Variants in NAV2 observed in about 807,000 individuals in gnomAD.
The protein encoded by NAV2 is helicase, APC down-regulated 1.
Under a neutral mutation model 223.2 loss-of-function variants are expected in NAV2, and 54 were observed. The ratio of observed to expected loss-of-function variants is 0.24; its 90% CI spans 0.19 to 0.30. The LOEUF (loss-of-function observed/expected upper bound fraction) is 0.30. NAV2 is among the 10% of genes least tolerant of loss of function. The pLI is 1.00. For missense variants in NAV2, 2,806 were observed against 3,147.5 expected, an observed-to-expected ratio of 0.89 and a Z score of 2.60; for synonymous variants, 1,279 against 1,239.3, an observed-to-expected ratio of 1.03 and a Z score of -0.67.
At chr11:19,556,853 T>C (rs1389967918) in intron 1 of NAV2, among the ~76,000 whole-genome samples, 3 of 152,220 alleles carry the variant, frequency 2.0e-5, no homozygotes, top group Non-Finnish European at 4.4e-5. Flanking sequence ...TAAATGACCA[T>C]GCTGTATTTT....
chr11:19,927,054 G>A (rs898050709), intron 6 of NAV2, among the ~76,000 whole-genome samples: 13 of 152,202 alleles, frequency 8.5e-5, no homozygotes, highest in African/African-American at 2.9e-4. Flanking sequence ...GGTTAAGGCT[G>A]GTTGCCAGAA....
chr11:19,420,948 G>C (rs1445818770), intron 1 of NAV2, among the ~76,000 whole-genome samples: 1 of 152,196 alleles, frequency 6.6e-6, no homozygotes, highest in Non-Finnish European at 1.5e-5. Context: ...CCTCCACGGT[G>C]CATGGCAGGG....
At chr11:19,850,872 A>G (rs867138742) in intron 3 of NAV2, among the ~76,000 whole-genome samples, 1 of 152,216 alleles carries the variant, frequency 6.6e-6, no homozygotes, top group East Asian at 1.9e-4. Context: ...AGAATGAGGA[A>G]TATATTTTAT....
chr11:19,667,555 G>A (rs1284443630), intron 1 of NAV2, among the ~76,000 whole-genome samples: 3 of 152,166 alleles, frequency 2.0e-5, no homozygotes, highest in Non-Finnish European at 4.4e-5. Context: ...GCTGGAGGAG[G>A]AACCATTCTG....
chr11:19,372,914 T>G (rs1463461372), intron 1 of NAV2, among the ~76,000 whole-genome samples: 1 of 152,228 alleles, frequency 6.6e-6, no homozygotes, highest in Non-Finnish European at 1.5e-5. Context: ...TGGGAGAATA[T>G]TGTTTCTTTC....
At chr11:19,730,650 G>T (rs751861003) in intron 1 of NAV2, among the ~76,000 whole-genome samples, 8 of 152,226 alleles carry the variant, frequency 5.3e-5, no homozygotes, top group Non-Finnish European at 1.2e-4. Context: ...CCTATGCCAG[G>T]AAGGCAGCGT....
intron 1 of NAV2, among the ~76,000 whole-genome samples, chr11:19,723,015 T>A (rs917651730): frequency 6.6e-6 from 1 of 152,226 alleles, no homozygotes; most frequent in Non-Finnish European, 1.5e-5. Flanking sequence ...ATAATGGCAC[T>A]GCAGCAGACT....
chr11:20,086,358 T>C (rs1294537746), intron 26 of NAV2, among the ~76,000 whole-genome samples: 2 of 152,212 alleles, frequency 1.3e-5, no homozygotes, highest in Non-Finnish European at 2.9e-5. Context: ...CTGTGTCCTC[T>C]GCCTGGTGTG....
chr11:19,904,716 C>T (rs1024368567), intron 6 of NAV2, among the ~76,000 whole-genome samples: 9 of 152,108 alleles, frequency 5.9e-5, no homozygotes, highest in Non-Finnish European at 1.2e-4. Flanking sequence ...CAAACTTTGG[C>T]TCCATATGTA....
intron 3 of NAV2, among the ~76,000 whole-genome samples, chr11:19,865,646 A>G (rs934784846): frequency 6.6e-6 from 1 of 152,358 alleles, no homozygotes; most frequent in Admixed American, 6.5e-5. Context: ...GAACAGAGAA[A>G]TCATAGTAGA....
At chr11:19,811,321 G>A (rs892588910) in intron 1 of NAV2, among the ~76,000 whole-genome samples, 2 of 152,104 alleles carry the variant, frequency 1.3e-5, no homozygotes, top group African/African-American at 2.4e-5. Context: ...CAGAGGGGGA[G>A]AAATGGCAGC....
intron 22 of NAV2, among the ~76,000 whole-genome samples, chr11:20,072,985 G>C (rs193186835): frequency 0.021 from 3,181 of 152,210 alleles, 119 homozygotes; most frequent in African/African-American, 0.073. Flanking sequence ...GAATAGGAGC[G>C]GTGAGAGAGG....
chr11:19,677,279 T>C (rs137932052), intron 1 of NAV2, among the ~76,000 whole-genome samples: 3,887 of 152,358 alleles, frequency 0.026, 86 homozygotes, highest in Non-Finnish European at 0.04. Context: ...CAAGAGCAAC[T>C]TGACTGCATC....
chr11:20,082,652 A>T lies in NAV2; in HGVS notation c.5326-355A>T, dbSNP rs374625417. 539 of 1,546,582 alleles carry T rather than the reference A, an allele frequency of 3.5e-4. 1 individual carries two copies. Among genetic ancestry groups the T allele is most frequent in the Middle Eastern group, 1.4e-3 (8 of 5,924 alleles). On this transcript the variant is annotated intron_variant, in intron 25 of 37. Transcript: ENST00000349880. The stretch of plus-strand genomic sequence containing the variant: ...ATACCAAGCTAACCCATCCATTGAT[A>T]TGACTAACCTCATCCGCATCCATCA...
In NAV2 at chr11:19,564,249, G is replaced by T. The variant is rs1383455810; in HGVS notation, c.75+213222G>T. On this transcript the variant is annotated intron_variant, in intron 1 of 37. Transcript: ENST00000360655. ...CATAGCGCTGGTGATCCTTGAGGGT[G>T]GGGCGCTCTCTGGGGGAATGGGCTG... is the stretch of plus-strand genomic sequence containing the variant. Among the ~76,000 whole-genome samples, 5 of 152,326 alleles carry T rather than the reference G, an allele frequency of 3.3e-5. No individual in the cohort carries two copies. The East Asian group carries it at 9.7e-4, about 29-fold the overall frequency.
At chr11:19,797,053 G>A (rs995914444) in intron 1 of NAV2, among the ~76,000 whole-genome samples, 1 of 152,180 alleles carries the variant, frequency 6.6e-6, no homozygotes, top group African/African-American at 2.4e-5. Context: ...AATGGTATGA[G>A]GGGTCACTGG....
chr11:19,673,848 A>C (rs562109479), intron 1 of NAV2, among the ~76,000 whole-genome samples: 2 of 152,290 alleles, frequency 1.3e-5, no homozygotes, highest in African/African-American at 4.8e-5. Flanking sequence ...CAGGGTGAGC[A>C]AGCCCTATTA....
At chr11:19,391,193 C>G (rs1362560611) in intron 1 of NAV2, among the ~76,000 whole-genome samples, 1 of 152,136 alleles carries the variant, frequency 6.6e-6, no homozygotes, top group East Asian at 1.9e-4. Context: ...CTGGCCTTCA[C>G]TACCACTCAC....
At chr11:19,940,400 A>G (rs538384359) in intron 8 of NAV2, among the ~76,000 whole-genome samples, 2 of 152,332 alleles carry the variant, frequency 1.3e-5, no homozygotes, top group African/African-American at 4.8e-5. Context: ...TCGCATTCTT[A>G]ATTAAAGAAG....
Sources: gnomAD v4.1 joint callset for allele counts (sites outside exome capture counted in the v4.1 genomes callset) on GRCh38, gnomAD v4.1.1 for gene constraint, MANE v1.5 for transcripts, NCBI Gene and HGNC (gene_info 2026-07-23, HGNC 2026-07-21) for gene names.